The following IFT122 variants were observed in gnomAD, a reference collection of about 807,000 sequenced individuals.
The protein encoded by IFT122 is intraflagellar transport protein 122 homolog.
In IFT122, 118 loss-of-function variants were observed where a neutral mutation model predicts 161.6. The observed-to-expected ratio is 0.73, with a 90% CI of 0.63 to 0.85. The LOEUF is 0.85. Among genes scored for constraint, IFT122 ranks in the 40% least tolerant of loss-of-function variants. The pLI, the probability that IFT122 is intolerant of heterozygous loss-of-function variation, is 0.00. For synonymous variants in IFT122, 550 were observed against 602.4 expected, an observed-to-expected ratio of 0.91 and a Z score of 1.27; for missense variants, 1,381 against 1,579.6, an observed-to-expected ratio of 0.87 and a Z score of 2.13.
intron 14 of IFT122, among the ~76,000 whole-genome samples, chr3:129,481,920 T>C (rs1470015778): frequency 2.6e-5 from 4 of 152,232 alleles, no homozygotes; most frequent in African/African-American, 9.6e-5. Flanking sequence ...TTGGTTTCCT[T>C]GCCAATGGAA....
At position 129,440,327 on chromosome 3, in the gene IFT122, C is replaced by G. The variant is rs374479969; in HGVS notation, c.-4C>G. 3 of 1,550,742 alleles carry G rather than the reference C, an allele frequency of 1.9e-6. No homozygotes were observed. The highest frequency in any genetic ancestry group is 2.6e-6 in the Non-Finnish European group (3 of 1,146,850). On this transcript the variant is annotated 5_prime_UTR_variant, in exon 1 of 30. Coordinates refer to ENST00000348417, the MANE Select transcript of IFT122 (RefSeq NM_052989.3). ...GAGGAGCCCGAGCCGTAAGGGAAGC[C>G]GTGATGAGGGCCGTGTTGACGTGGA... is the stretch of plus-strand genomic sequence containing the variant.
At position 129,478,316 on chromosome 3, in the gene IFT122, G is replaced by GA. The variant is rs1374489311; in HGVS notation, c.1350+102dup. ...CTCATGGTTTTAAAACTGGTCACTA[G>GA]AAAACAAGTCTGTTCCATCAAACTA... On this transcript the variant is annotated intron_variant, in intron 12 of 29. Transcript: ENST00000348417. The GA allele has an allele frequency of 1.1e-5, 11 of 981,856 alleles. No homozygotes were observed. The East Asian group carries it at 2.5e-4, about 22-fold the overall frequency. 60.8% of individuals were successfully genotyped at this position (981,856 alleles called of 1,614,324 possible). A position where few individuals can be genotyped will look rare whatever the true frequency, so the allele number is the denominator to read the frequency against.
chr3:129,485,833 C>T (rs1267431649), intron 15 of IFT122, among the ~76,000 whole-genome samples: 3 of 152,234 alleles, frequency 2.0e-5, no homozygotes, highest in Non-Finnish European at 4.4e-5. Context: ...GTCAGGACTG[C>T]CAAGGGTTAG....
chr3:129,481,670 C>T lies in IFT122; in HGVS notation c.1629C>T (p.Ile543=), dbSNP rs372545849. The T allele has an allele frequency of 4.2e-5, 67 of 1,613,840 alleles. No homozygotes were observed. The highest frequency in any genetic ancestry group is 4.0e-4 in the South Asian group (36 of 91,048). Residue 543 remains isoleucine, a synonymous_variant, in exon 14 of 30, where the codon ATC becomes ATT. Coordinates refer to ENST00000348417, the MANE Select transcript of IFT122 (RefSeq NM_052989.3). ...DENDTCLVYD[I]DTKELLFQEP... is the part of the protein sequence containing the mutation. ...ATGACACTTGCCTGGTGTATGACAT[C>T]GACACCAAGGAGCTGCTTTTTCAGG...
chr3:129,487,561 C>T (rs1053281998), intron 15 of IFT122: 2 of 158,574 alleles, frequency 1.3e-5, no homozygotes, highest in Non-Finnish European at 2.8e-5. Flanking sequence ...GGGCATCTGT[C>T]CCCAGGGCAG....
At position 129,478,094 on chromosome 3, in the gene IFT122, T is replaced by A; in HGVS notation, c.1226T>A (p.Ile409Asn). ...NRLAIQLPEK[I>N]LIYELYSEDL... ...TTGGCTATCCAACTGCCAGAGAAAA[T>A]CCTCATCTATGAGTTGTATTCAGAG... Residue 409 changes from isoleucine to asparagine, a missense_variant, in exon 12 of 30, where the codon ATC (isoleucine) becomes AAC (asparagine). Physicochemically the swap from Ile to Asn is moderately radical, Grantham distance 149 (BLOSUM62 -3). Around this residue, in one of 7 missense-constraint regions of IFT122, gnomAD observed 544 missense variants for 648.0 expected, o/e 0.84. Transcript: ENST00000348417. 6.2e-7 allele frequency: 1 copy of A among 1,614,118 alleles called. No homozygotes were observed. The highest frequency in any genetic ancestry group is 8.5e-7 in the Non-Finnish European group (1 of 1,179,988).
At chr3:129,516,694 G>GCACACACA (rs771398986) in intron 26 of IFT122, among the ~76,000 whole-genome samples, 21 of 50,218 alleles carry the variant, frequency 4.2e-4, no homozygotes, top group African/African-American at 2.2e-3. Flanking sequence ...GATTGCTCCT[G>GCACACACA]CACACACACA....
At chr3:129,480,078 G>A (rs1166163157) in intron 13 of IFT122, among the ~76,000 whole-genome samples, 156 bp downstream of exon 13, 3 of 152,206 alleles carry the variant, frequency 2.0e-5, no homozygotes, top group Non-Finnish European at 4.4e-5. Flanking sequence ...AGTTTTTTGA[G>A]GACAGCCTCA....
intron 9 of IFT122, 119 bp from the exon 10 acceptor site, chr3:129,476,196 C>T: frequency 6.5e-6 from 7 of 1,075,410 alleles, no homozygotes; most frequent in Middle Eastern, 2.0e-4. Context: ...AAAAGGCTGG[C>T]CAGCTCTCCC....
rs139943115 is a variant in IFT122, at chr3:129,500,025, G to T, written c.2332G>T (p.Val778Phe). 1 of 1,614,238 alleles carries T rather than the reference G, an allele frequency of 6.2e-7. No individual in the cohort carries two copies. Among genetic ancestry groups the T allele is most frequent in the Admixed American group, 1.7e-5 (1 of 60,032 alleles). ...VEMYISAGEHVKAIEICGDHG... is the reference protein window; with the variant it reads ...VEMYISAGEHFKAIEICGDHG... ...GATGTACATCTCAGCAGGAGAGCAC[G>T]TCAAGGCCATCGAGATCTGTGGTGA... is the stretch of plus-strand genomic sequence containing the variant. Residue 778 changes from valine to phenylalanine, a missense_variant, in exon 19 of 30, where the codon GTC becomes TTC. Physicochemically the swap from Val to Phe is conservative, Grantham distance 50. Around this residue, in one of 7 missense-constraint regions of IFT122, gnomAD observed 496 missense variants for 502.5 expected, o/e 0.99. Coordinates refer to ENST00000348417, the MANE Select transcript of IFT122 (RefSeq NM_052989.3).
chr3:129,458,495 A>G (rs2075796584), intron 3 of IFT122, 104 bp from the exon 4 acceptor site: 2 of 970,510 alleles, frequency 2.1e-6, no homozygotes, highest in Non-Finnish European at 3.3e-6. Flanking sequence ...GAAAGAAGCT[A>G]ACACTTACTA....
Position 129,464,498 on chromosome 3 carries a change from C to A in IFT122, c.417-137C>A, listed in dbSNP as rs542210609. The A allele has an allele frequency of 1.3e-5, 13 of 982,098 alleles. No homozygotes were observed. In the Admixed American group the frequency reaches 2.3e-4, roughly 17 times the overall value. 60.8% of individuals were successfully genotyped at this position (982,098 alleles called of 1,614,324 possible). The stretch of plus-strand genomic sequence containing the variant: ...TGATCCTCTGACTTTATGTCAGGAC[C>A]GGCAATAATGAAACCATATCCCAGC... On this transcript the variant is annotated intron_variant, in intron 6 of 29. Coordinates refer to ENST00000348417, the MANE Select transcript of IFT122 (RefSeq NM_052989.3).
chr3:129,458,692 T>C lies in IFT122; in HGVS notation c.272+15T>C. On this transcript the variant is annotated intron_variant, in intron 4 of 29. Coordinates refer to ENST00000348417, the MANE Select transcript of IFT122 (RefSeq NM_052989.3). ...CTGAAGTACACGTAAGTAACTTAGG[T>C]GTACAGTATTATGAGTTTGATGCTT... 1 of 1,569,384 alleles carries C rather than the reference T, an allele frequency of 6.4e-7. No individual in the cohort carries two copies. The highest frequency in any genetic ancestry group is 8.8e-7 in the Non-Finnish European group (1 of 1,139,374).
intron 26 of IFT122, among the ~76,000 whole-genome samples, chr3:129,516,574 C>T (rs1465712612): frequency 3.9e-5 from 5 of 128,500 alleles, no homozygotes; most frequent in Non-Finnish European, 8.5e-5. Flanking sequence ...CACACACACA[C>T]ACACAGAGAG....
chr3:129,457,813 G>C (rs2075708978), intron 3 of IFT122: 1 of 141,480 alleles, frequency 7.1e-6, no homozygotes, highest in South Asian at 2.1e-4. Context: ...TCGGCTCACT[G>C]CAAGCCCCAC....
chr3:129,499,085 C>G (rs1179093253), intron 18 of IFT122, among the ~76,000 whole-genome samples: 1 of 152,236 alleles, frequency 6.6e-6, no homozygotes, highest in Non-Finnish European at 1.5e-5. Context: ...CCATCTCTTC[C>G]TTCTCAGGTC....
rs773287083 is a variant in IFT122, at chr3:129,517,539, C to T, written c.3336C>T (p.Asp1112=). 6.2e-7 allele frequency: 1 copy of T among 1,614,054 alleles called. No homozygotes were observed. ...ITDEEAISLI[D]LEVLRPKRDD... is the part of the protein sequence containing the mutation. ...ATGAAGAAGCCATCTCCCTCATCGA[C>T]CTGGAGGTGCTGAGACCCAAGCGGG... The change falls in exon 27 of 30, where the codon GAC becomes GAT. Residue 1112 remains aspartate (D), a synonymous_variant. Coordinates refer to ENST00000348417, the MANE Select transcript of IFT122 (RefSeq NM_052989.3).
chr3:129,496,242 T>C (rs1222463185), intron 18 of IFT122, among the ~76,000 whole-genome samples: 7 of 152,122 alleles, frequency 4.6e-5, no homozygotes, highest in Non-Finnish European at 8.8e-5. Flanking sequence ...GCTGGGCCTT[T>C]TAAGGCAGGT....
chr3:129,459,928 A>AT (rs902409311), intron 4 of IFT122, among the ~76,000 whole-genome samples: 15 of 147,442 alleles, frequency 1.0e-4, no homozygotes, highest in East Asian at 2.0e-4. Flanking sequence ...CAATTTTTAA[A>AT]TTTTTTTTTT....
Sources: allele counts gnomAD v4.1 joint callset (sites outside exome capture counted in the v4.1 genomes callset), GRCh38; gene constraint gnomAD v4.1.1; regional missense constraint gnomAD v4.1.1; transcripts MANE v1.5; gene names NCBI Gene and HGNC (gene_info 2026-07-23, HGNC 2026-07-21).